CERT1: variants seen among roughly 807,000 people sequenced by gnomAD.
CERT1 encodes the protein ceramide transporter 1.
Under a neutral mutation model 87.9 loss-of-function variants are expected in CERT1, and 31 were observed. That is an observed-to-expected ratio of 0.35 (90% CI 0.27 to 0.48). The LOEUF is 0.48. Among genes scored for constraint, CERT1 ranks in the 20% least tolerant of loss-of-function variants. The pLI, the probability that CERT1 is intolerant of heterozygous loss-of-function variation, is 0.99. For missense variants in CERT1, 487 were observed against 758.0 expected (o/e 0.64, Z 4.20); for synonymous variants, 289 against 250.9 (o/e 1.15, Z -1.44).
chr5:75,423,204 C>T (rs929608250), intron 5 of CERT1, among the ~76,000 whole-genome samples: 9 of 152,320 alleles, frequency 5.9e-5, no homozygotes, highest in African/African-American at 2.2e-4. Flanking sequence ...TTTCCACCAT[C>T]ACTTTTGTCC....
At chr5:75,370,594 A>C (rs1330405394) in intron 17 of CERT1, 1 of 152,164 alleles carries the variant, frequency 6.6e-6, no homozygotes, top group Non-Finnish European at 1.5e-5. Flanking sequence ...CATATGACAA[A>C]AGATACACAA....
At chr5:75,505,804 A>C (rs909503897) in intron 2 of CERT1, 178 bp downstream of exon 2, 11 of 444,758 alleles carry the variant, frequency 2.5e-5, no homozygotes, top group Non-Finnish European at 3.5e-5. Flanking sequence ...GCAAAATAAC[A>C]ATATGTAGTA....
chr5:75,439,795 C>T (rs1219704245), intron 3 of CERT1, among the ~76,000 whole-genome samples: 15 of 151,896 alleles, frequency 9.9e-5, no homozygotes. Context: ...TTAAAATACG[C>T]AATGGGAACA....
chr5:75,420,704 C>G (rs1294637027), intron 5 of CERT1, among the ~76,000 whole-genome samples: 3 of 152,114 alleles, frequency 2.0e-5, no homozygotes, highest in Non-Finnish European at 4.4e-5. Context: ...ATGTGCTATC[C>G]CTTTTTCTAC....
At chr5:75,451,332 A>G (rs957980748) in intron 3 of CERT1, among the ~76,000 whole-genome samples, 2 of 152,146 alleles carry the variant, frequency 1.3e-5, no homozygotes, top group African/African-American at 4.8e-5. Flanking sequence ...TTGTGATTCT[A>G]TGTACTGATT....
intron 2 of CERT1, among the ~76,000 whole-genome samples, chr5:75,463,374 G>A (rs564507660): frequency 3.3e-5 from 5 of 152,040 alleles, no homozygotes; most frequent in South Asian, 2.1e-4. Context: ...CAACCCTCCC[G>A]AAGAACCAAG....
At chr5:75,408,389 G>A (rs1002981708) in intron 8 of CERT1, among the ~76,000 whole-genome samples, 2 of 152,150 alleles carry the variant, frequency 1.3e-5, no homozygotes, top group Non-Finnish European at 2.9e-5. Context: ...GAGTTGGTCT[G>A]GTGATGATGT....
intron 2 of CERT1, among the ~76,000 whole-genome samples, chr5:75,486,406 A>T (rs868824125): frequency 1.7e-4 from 26 of 152,242 alleles, no homozygotes; most frequent in Middle Eastern, 3.4e-3. Context: ...AATGGAACAA[A>T]AGTGAAAGCC....
In CERT1 at chr5:75,379,159, G is replaced by A. The variant is rs1761450683; in HGVS notation, c.*187C>T. On this transcript the variant is annotated 3_prime_UTR_variant, in exon 17 of 17. Coordinates refer to ENST00000643780, the MANE Select transcript of CERT1 (RefSeq NM_001379029.1). ...ATGGTGTCATTGCACTTCAGCTTAG[G>A]AAACAGAGCAAGACCCTGTTTAAAA... The A allele has an allele frequency of 1.5e-5, 8 of 548,540 alleles. No homozygotes were observed. In the South Asian group the frequency reaches 2.1e-4, roughly 14 times the overall value. The allele number at this position is 548,540 out of a possible 1,614,324, so 34.0% of individuals were successfully genotyped here. A position where few individuals can be genotyped will look rare whatever the true frequency, so the allele number is the denominator to read the frequency against.
At chr5:75,480,327 T>C (rs1766175614) in intron 2 of CERT1, among the ~76,000 whole-genome samples, 1 of 152,356 alleles carries the variant, frequency 6.6e-6, no homozygotes, top group Middle Eastern at 3.4e-3. Context: ...GTCAACTCTA[T>C]TCTTCCTTCC....
rs145554621 is a variant in CERT1 at position 75,391,984 on chromosome 5, A to G, written c.1189-2297T>C. On this transcript the variant is annotated intron_variant, in intron 11 of 16. Coordinates refer to ENST00000643780, the MANE Select transcript of CERT1 (RefSeq NM_001379029.1). The stretch of plus-strand genomic sequence containing the variant: ...AAAAAACAGAATTGGGTTTAAAATA[A>G]TTTTCTAATGCTACTTAGCTCTTTT... Among the ~76,000 whole-genome samples the G allele has an allele frequency of 1.8e-3, 279 of 152,210 alleles. 2 individuals are homozygous for G. The highest frequency in any genetic ancestry group is 6.6e-3 in the African/African-American group (273 of 41,524).
At chr5:75,480,813 T>C (rs1766205122) in intron 2 of CERT1, among the ~76,000 whole-genome samples, 1 of 152,202 alleles carries the variant, frequency 6.6e-6, no homozygotes. Context: ...AATCTGCAAA[T>C]CTTGTCAGCT....
intron 2 of CERT1, 149 bp from the exon 3 acceptor site, chr5:75,459,330 T>C: frequency 1.7e-6 from 1 of 598,688 alleles, no homozygotes. Flanking sequence ...TGTCTGAAGA[T>C]AAGAATGTAC....
intron 3 of CERT1, among the ~76,000 whole-genome samples, chr5:75,458,683 G>A (rs1009246213): frequency 6.6e-6 from 1 of 151,916 alleles, no homozygotes; most frequent in Admixed American, 6.6e-5. Context: ...TCCTGAGTAG[G>A]TGGGATTACA....
intron 9 of CERT1, chr5:75,400,953 C>T (rs563365999): frequency 2.4e-4 from 36 of 152,222 alleles, no homozygotes; most frequent in African/African-American, 6.3e-4. Flanking sequence ...TTGCAAGTAA[C>T]GTAAACTCAA....
intron 11 of CERT1, among the ~76,000 whole-genome samples, chr5:75,390,267 T>G (rs1216926205): frequency 6.6e-6 from 1 of 152,220 alleles, no homozygotes. Flanking sequence ...CTTATGCCAC[T>G]GATAAACCTC....
chr5:75,419,307 T>C (rs767394516), intron 6 of CERT1, 34 bp downstream of exon 6: 7 of 1,377,884 alleles, frequency 5.1e-6, no homozygotes, highest in Non-Finnish European at 7.1e-6. Flanking sequence ...GAAAGTATAT[T>C]TTATCCAGCT....
chr5:75,507,606 T>C lies in CERT1; in HGVS notation c.97-1490A>G, dbSNP rs144636175. ...GAATTCACCTTCCTATAAAGTATAC[T>C]TCCTTCCTATTTTCCTACTTCCTTG... is the stretch of plus-strand genomic sequence containing the variant. On this transcript the variant is annotated intron_variant, in intron 1 of 16. Transcript: ENST00000643780. 2.6e-4 allele frequency among the ~76,000 whole-genome samples: 39 copies of C among 152,234 alleles called. 2 individuals carry two copies. The East Asian group carries it at 3.5e-3, about 14-fold the overall frequency.
chr5:75,479,297 T>C (rs1339765774), intron 2 of CERT1, among the ~76,000 whole-genome samples: 1 of 152,192 alleles, frequency 6.6e-6, no homozygotes, highest in African/African-American at 2.4e-5. Context: ...CAGTCTTTTT[T>C]TTTAACTTTT....
Sources: gnomAD v4.1 joint callset for allele counts (sites outside exome capture counted in the v4.1 genomes callset) on GRCh38, gnomAD v4.1.1 for gene constraint, MANE v1.5 for transcripts, NCBI Gene and HGNC (gene_info 2026-07-23, HGNC 2026-07-21) for gene names.